The following NKAIN3 variants were observed in gnomAD, a reference collection of about 807,000 sequenced individuals.
The protein encoded by NKAIN3 is sodium/potassium transporting ATPase interacting 3.
In NKAIN3, 25 loss-of-function variants were observed where a neutral mutation model predicts 30.2. The observed-to-expected ratio is 0.83, with a 90% CI of 0.60 to 1.16. The LOEUF is 1.16. Ranked by LOEUF, NKAIN3 falls within the 50% of genes most tolerant of loss-of-function variation. The pLI, the probability that NKAIN3 is intolerant of heterozygous loss-of-function variation, is 0.00. For missense variants in NKAIN3, 225 were observed against 254.1 expected (o/e 0.89, Z 0.78); for synonymous variants, 91 against 89.6 (o/e 1.02, Z -0.09).
chr8:62,960,512 GA>G lies in NKAIN3; in HGVS notation c.604-4832del, dbSNP rs960936478. ...GGAGATATAGTCCACCACCACCCCT[GA>G]AAAAAAAAATCAACAACATAAAAAA... On this transcript the variant is annotated intron_variant, in intron 6 of 6. Transcript: ENST00000623646. Among the ~76,000 whole-genome samples, 239 of 147,398 alleles carry G rather than the reference GA, an allele frequency of 1.6e-3. 2 individuals carry two copies. The highest frequency in any genetic ancestry group is 6.8e-3 in the Middle Eastern group (2 of 292).
intron 3 of NKAIN3, among the ~76,000 whole-genome samples, chr8:62,643,896 G>A (rs1484598889): frequency 6.6e-6 from 1 of 151,956 alleles, no homozygotes; most frequent in African/African-American, 2.4e-5. Flanking sequence ...TTCTTTCACT[G>A]AAATGCCAGA....
chr8:62,948,563 AAC>A (rs1436662217), intron 5 of NKAIN3, among the ~76,000 whole-genome samples: 1 of 152,228 alleles, frequency 6.6e-6, no homozygotes, highest in Non-Finnish European at 1.5e-5. Context: ...TTAAAGTGGA[AAC>A]ACAGGCATCT....
At chr8:62,664,935 A>T (rs951001905) in intron 3 of NKAIN3, among the ~76,000 whole-genome samples, 5 of 152,200 alleles carry the variant, frequency 3.3e-5, no homozygotes, top group Non-Finnish European at 7.3e-5. Flanking sequence ...TACGCTGACG[A>T]CATCCAAAAC....
intron 1 of NKAIN3, among the ~76,000 whole-genome samples, chr8:62,410,530 CG>C (rs1563386198): frequency 6.6e-6 from 1 of 151,396 alleles, no homozygotes; most frequent in Non-Finnish European, 1.5e-5. Context: ...GAAATTGAGA[CG>C]TAAGAATTGA....
intron 3 of NKAIN3, among the ~76,000 whole-genome samples, chr8:62,591,284 T>C (rs1005436616): frequency 2.0e-5 from 3 of 151,946 alleles, no homozygotes; most frequent in Admixed American, 6.6e-5. Context: ...GAATCATAAG[T>C]CTTGAGTCCA....
chr8:62,297,497 CA>C (rs1195567787), intron 1 of NKAIN3, among the ~76,000 whole-genome samples: 10 of 151,954 alleles, frequency 6.6e-5, no homozygotes, highest in Admixed American at 3.9e-4. Flanking sequence ...ACAACCCCAT[CA>C]AAAAGTGGGC....
At chr8:62,716,841 T>C (rs1814919284) in intron 3 of NKAIN3, among the ~76,000 whole-genome samples, 1 of 152,118 alleles carries the variant, frequency 6.6e-6, no homozygotes, top group Non-Finnish European at 1.5e-5. Flanking sequence ...CTCACATCTA[T>C]AATCCCAGCA....
At chr8:62,495,530 G>A (rs1807208696) in intron 1 of NKAIN3, among the ~76,000 whole-genome samples, 1 of 148,446 alleles carries the variant, frequency 6.7e-6, no homozygotes, top group Non-Finnish European at 1.5e-5. Context: ...TCTGCTCTTG[G>A]GGAACAATGA....
intron 4 of NKAIN3, among the ~76,000 whole-genome samples, chr8:62,815,575 T>A (rs1201030513): frequency 1.3e-5 from 2 of 152,004 alleles, no homozygotes; most frequent in African/African-American, 4.8e-5. Context: ...TATACACAAA[T>A]CAATAAATGT....
chr8:62,943,130 T>A (rs981779664), intron 5 of NKAIN3, among the ~76,000 whole-genome samples: 7 of 152,224 alleles, frequency 4.6e-5, no homozygotes, highest in Non-Finnish European at 1.5e-5. Flanking sequence ...CTTTGCGAAT[T>A]ATGCATCTGA....
chr8:62,883,457 G>GTTGTTGTTGTTTTTTTTTTTGTTTTTTTT, intron 4 of NKAIN3, among the ~76,000 whole-genome samples: 1 of 70,226 alleles, frequency 1.4e-5, no homozygotes, highest in Non-Finnish European at 2.4e-5. Context: ...AGTTTTATGG[G>GTTGTTGTTGTTTTTTTTTTTGTTTTTTTT]TTTTTTTTTT....
At position 62,505,088 on chromosome 8, in the gene NKAIN3, A is replaced by G. The variant is rs187545921; in HGVS notation, c.55-74451A>G. Among the ~76,000 whole-genome samples, 71 of 152,342 alleles carry G rather than the reference A, an allele frequency of 4.7e-4. 2 individuals carry two copies. Among genetic ancestry groups the G allele is most frequent in the African/African-American group, 1.6e-3 (68 of 41,576 alleles). ...AGATAAAGGCAATAAAGGTAGTAAG[A>G]AAGAAATTCAAATGCTAAAGGAAGA... On this transcript the variant is annotated intron_variant, in intron 1 of 6. Coordinates refer to ENST00000623646, the MANE Select transcript of NKAIN3 (RefSeq NM_001304533.3).
chr8:62,886,185 G>C (rs1198397011), intron 4 of NKAIN3, among the ~76,000 whole-genome samples: 1 of 151,160 alleles, frequency 6.6e-6, no homozygotes, highest in Non-Finnish European at 1.5e-5. Flanking sequence ...GATTGCCCTA[G>C]ACTTTGTAAT....
At position 62,684,042 on chromosome 8, in the gene NKAIN3, ATTC is replaced by A. The variant is rs557812907; in HGVS notation, c.274-62889_274-62887del. 4.2e-3 allele frequency among the ~76,000 whole-genome samples: 640 copies of A among 152,280 alleles called. 6 individuals carry two copies. The highest frequency in any genetic ancestry group is 0.015 in the African/African-American group (616 of 41,546). Reference sequence around the variant, plus strand: ...AACTCCCACTACAACCTTACCTTGCATTCCTCTCAAATACAGACTGCAGCCAAC... The same window carrying A: ...AACTCCCACTACAACCTTACCTTGCACTCTCAAATACAGACTGCAGCCAAC... On this transcript the variant is annotated intron_variant, in intron 3 of 6. Coordinates refer to ENST00000623646, the MANE Select transcript of NKAIN3 (RefSeq NM_001304533.3).
intron 3 of NKAIN3, among the ~76,000 whole-genome samples, chr8:62,703,448 T>TA (rs879345275): frequency 3.9e-4 from 59 of 152,148 alleles, no homozygotes; most frequent in Middle Eastern, 3.4e-3. Context: ...ACAAATTGCC[T>TA]AAAAAAAACT....
At chr8:62,331,204 C>T (rs1010583832) in intron 1 of NKAIN3, among the ~76,000 whole-genome samples, 7 of 149,748 alleles carry the variant, frequency 4.7e-5, no homozygotes, top group Middle Eastern at 3.4e-3. Context: ...ACTGGGGTCA[C>T]TTATGTACAT....
At chr8:62,257,084 CA>C (rs1259808662) in intron 1 of NKAIN3, among the ~76,000 whole-genome samples, 2 of 152,106 alleles carry the variant, frequency 1.3e-5, no homozygotes, top group African/African-American at 4.8e-5. Flanking sequence ...CCTCACGTAT[CA>C]TTTTTTTGTG....
chr8:62,728,003 A>G (rs1054347414), intron 3 of NKAIN3, among the ~76,000 whole-genome samples: 5 of 152,212 alleles, frequency 3.3e-5, no homozygotes, highest in Admixed American at 2.6e-4. Context: ...TTGTAACTAT[A>G]TTATATGGGT....
chr8:62,788,864 T>C (rs1817611800), intron 4 of NKAIN3, among the ~76,000 whole-genome samples: 1 of 152,130 alleles, frequency 6.6e-6, no homozygotes, highest in Non-Finnish European at 1.5e-5. Context: ...GCATTATTTC[T>C]GAGGGCTCTG....
Sources: allele counts gnomAD v4.1 joint callset (sites outside exome capture counted in the v4.1 genomes callset), GRCh38; gene constraint gnomAD v4.1.1; transcripts MANE v1.5; gene names NCBI Gene and HGNC (gene_info 2026-07-23, HGNC 2026-07-21).